ZNF618: variants seen among roughly 807,000 people sequenced by gnomAD.
The protein encoded by ZNF618 is zinc finger protein 618.
ZNF618 carries 34 observed loss-of-function variants against 103.0 expected under a neutral mutation model. The observed-to-expected ratio is 0.33, with a 90% CI of 0.25 to 0.44. The LOEUF (loss-of-function observed/expected upper bound fraction) is 0.44. ZNF618 is among the 20% of genes least tolerant of loss of function. The pLI, the probability that ZNF618 is intolerant of heterozygous loss-of-function variation, is 1.00. For synonymous variants in ZNF618, 551 were observed against 542.2 expected, an observed-to-expected ratio of 1.02 and a Z score of -0.23; for missense variants, 1,059 against 1,295.4, an observed-to-expected ratio of 0.82 and a Z score of 2.80.
chr9:113,982,856 C>G (rs1032053132), intron 2 of ZNF618, among the ~76,000 whole-genome samples: 2 of 152,178 alleles, frequency 1.3e-5, no homozygotes, highest in East Asian at 3.8e-4. Flanking sequence ...TCTTAGGGAA[C>G]TTCTTGGGCA....
intron 1 of ZNF618, among the ~76,000 whole-genome samples, chr9:113,944,084 C>T (rs1834787354): frequency 6.6e-6 from 1 of 152,100 alleles, no homozygotes; most frequent in Non-Finnish European, 1.5e-5. Context: ...CACACCTCGC[C>T]CTGCACGGTT....
intron 1 of ZNF618, among the ~76,000 whole-genome samples, chr9:113,918,806 C>A (rs140668921): frequency 8.5e-5 from 13 of 152,260 alleles, no homozygotes; most frequent in African/African-American, 3.1e-4. Context: ...GCACCCCGGC[C>A]CTGGAATCAG....
chr9:113,882,490 T>C (rs1460624860), intron 1 of ZNF618, among the ~76,000 whole-genome samples: 3 of 152,152 alleles, frequency 2.0e-5, no homozygotes, highest in African/African-American at 7.2e-5. Context: ...GGATTCTCCA[T>C]TTGGGGAGAT....
intron 1 of ZNF618, among the ~76,000 whole-genome samples, chr9:113,949,295 G>C (rs1196476044): frequency 6.6e-6 from 1 of 152,160 alleles, no homozygotes; most frequent in Non-Finnish European, 1.5e-5. Context: ...TGAAGGGCTG[G>C]GTGTTCACAG....
Position 113,884,774 on chromosome 9 carries a change from C to CACAGAG in ZNF618, c.33+8362_33+8363insCAGAGA, listed in dbSNP as rs1205428615. Among the ~76,000 whole-genome samples, 579 of 142,280 alleles carry CACAGAG rather than the reference C, an allele frequency of 4.1e-3. 3 individuals are homozygous for CACAGAG. The highest frequency in any genetic ancestry group is 0.019 in the East Asian group (88 of 4,734). 93.3% of individuals were successfully genotyped at this position (142,280 alleles called of 152,430 possible). A position where few individuals can be genotyped will look rare whatever the true frequency, so the allele number is the denominator to read the frequency against. On this transcript the variant is annotated intron_variant, in intron 1 of 14. Transcript: ENST00000374126. ...CCTTCCTTATCGAGACACAAACACA[C>CACAGAG]AGAGAGAGAGAGAGAGAGAGAGAGA...
intron 12 of ZNF618, among the ~76,000 whole-genome samples, chr9:114,034,619 C>CA (rs1488019296): frequency 6.6e-6 from 1 of 152,196 alleles, no homozygotes; most frequent in African/African-American, 2.4e-5. Context: ...GATTGCTGCC[C>CA]TAGGTCCCCC....
intron 4 of ZNF618, among the ~76,000 whole-genome samples, chr9:113,999,982 T>C (rs879266370): frequency 2.6e-5 from 4 of 152,208 alleles, no homozygotes; most frequent in African/African-American, 7.2e-5. Flanking sequence ...CAAGACACCA[T>C]GGATTTATGG....
At chr9:113,974,511 G>A (rs10982023) in intron 2 of ZNF618, among the ~76,000 whole-genome samples, 136,611 of 152,270 alleles carry the variant, frequency 0.9, 61,590 homozygotes, top group East Asian at 1. Flanking sequence ...CCAGGAGGAT[G>A]AGATGTGATG....
At chr9:113,988,209 C>T in intron 2 of ZNF618, 112 bp from the exon 3 acceptor site, 2 of 1,400,922 alleles carry the variant, frequency 1.4e-6, no homozygotes, top group South Asian at 1.5e-5. Context: ...GGCCGGGGGC[C>T]CTAGAATTCA....
In ZNF618 at chr9:113,922,970, A is replaced by AT. The variant is rs567033660; in HGVS notation, c.34-46140dup. On this transcript the variant is annotated intron_variant, in intron 1 of 14. Coordinates refer to ENST00000374126, the MANE Select transcript of ZNF618 (RefSeq NM_001318042.2). ...TCTTTATTTATTTAGATCTTCTTTG[A>AT]TTTTTTTCATCAGAGTTTTGTAGTT... is the stretch of plus-strand genomic sequence containing the variant. Among the ~76,000 whole-genome samples, 88 of 152,172 alleles carry AT rather than the reference A, an allele frequency of 5.8e-4. 1 individual carries two copies. The highest frequency in any genetic ancestry group is 2.0e-3 in the African/African-American group (85 of 41,518).
intron 1 of ZNF618, among the ~76,000 whole-genome samples, chr9:113,940,680 T>TA (rs770608288): frequency 7.3e-4 from 111 of 152,258 alleles, no homozygotes; most frequent in South Asian, 1.5e-3. Flanking sequence ...ATTATTTTTG[T>TA]AAAAAAACTT....
intron 1 of ZNF618, among the ~76,000 whole-genome samples, chr9:113,953,082 A>G (rs1021154883): frequency 3.3e-5 from 5 of 152,212 alleles, no homozygotes; most frequent in African/African-American, 1.2e-4. Context: ...CCCAGGGTCT[A>G]CTGTATTAAA....
chr9:113,893,164 G>A (rs1349085429), intron 1 of ZNF618, among the ~76,000 whole-genome samples: 1 of 152,234 alleles, frequency 6.6e-6, no homozygotes, highest in Non-Finnish European at 1.5e-5. Flanking sequence ...AACTGAGGTT[G>A]AGTGAGGTTA....
intron 1 of ZNF618, among the ~76,000 whole-genome samples, chr9:113,951,300 AG>A (rs1197672028): frequency 6.7e-6 from 1 of 148,928 alleles, no homozygotes. Flanking sequence ...AAATAGGCAA[AG>A]GTTCTAGTTC....
chr9:113,958,368 T>C (rs1432221238), intron 1 of ZNF618, among the ~76,000 whole-genome samples: 2 of 152,144 alleles, frequency 1.3e-5, no homozygotes, highest in African/African-American at 2.4e-5. Context: ...TTAAATGAAA[T>C]GATGCATGCT....
At chr9:113,898,536 C>T (rs1400429357) in intron 1 of ZNF618, among the ~76,000 whole-genome samples, 1 of 151,076 alleles carries the variant, frequency 6.6e-6, no homozygotes, top group Non-Finnish European at 1.5e-5. Flanking sequence ...AAGCAATCCT[C>T]CTGCCTCAGC....
chr9:113,898,318 C>T (rs1830214361), intron 1 of ZNF618, among the ~76,000 whole-genome samples: 1 of 152,118 alleles, frequency 6.6e-6, no homozygotes, highest in Admixed American at 6.5e-5. Context: ...GTTTCCTTCG[C>T]CCTCCCCCTG....
At chr9:114,047,598 C>A (rs1251946210) in intron 13 of ZNF618, among the ~76,000 whole-genome samples, 1 of 152,130 alleles carries the variant, frequency 6.6e-6, no homozygotes, top group Non-Finnish European at 1.5e-5. Flanking sequence ...CAGTGCTTCC[C>A]ATTTCCAGAG....
Position 114,028,527 on chromosome 9 carries a change from A to G in ZNF618, c.845-206A>G. The G allele has an allele frequency of 4.0e-6, 3 of 755,252 alleles. No individual in the cohort carries two copies. In the South Asian group the frequency reaches 5.7e-5, roughly 14 times the overall value. 46.8% of individuals were successfully genotyped at this position (755,252 alleles called of 1,614,324 possible). A position where few individuals can be genotyped will look rare whatever the true frequency, so the allele number is the denominator to read the frequency against. ...CACAGTGGGCTGGTTGGTGGCCTCC[A>G]GATAACTAAGCGTGAGCTGACAGAA... On this transcript the variant is annotated intron_variant, in intron 10 of 14. Transcript: ENST00000374126.
Sources: gnomAD v4.1 joint callset for allele counts (sites outside exome capture counted in the v4.1 genomes callset) on GRCh38, gnomAD v4.1.1 for gene constraint, MANE v1.5 for transcripts, NCBI Gene and HGNC (gene_info 2026-07-23, HGNC 2026-07-21) for gene names.